MARF1: variants seen among roughly 807,000 people sequenced by gnomAD.
MARF1 encodes the protein meiosis regulator and mRNA stability factor 1.
MARF1 carries 24 observed loss-of-function variants against 168.2 expected under a neutral mutation model. The observed-to-expected ratio is 0.14, with a 90% CI of 0.10 to 0.20. The LOEUF (loss-of-function observed/expected upper bound fraction) is 0.20. Ranked by LOEUF, MARF1 falls within the 10% of genes least tolerant of loss-of-function variation. The pLI is 1.00. For synonymous variants in MARF1, 868 were observed against 822.4 expected (o/e 1.06, Z -0.95); for missense variants, 1,744 against 2,143.6 (o/e 0.81, Z 3.68).
chr16:15,610,952 C>T (rs770060380), intron 19 of MARF1, 23 bp downstream of exon 19: 1 of 1,609,142 alleles, frequency 6.2e-7, no homozygotes, highest in Non-Finnish European at 8.5e-7. Context: ...CAATATCCTT[C>T]CAGCAAATGT....
chr16:15,631,239 C>A, intron 6 of MARF1, 142 bp downstream of exon 6: 1 of 481,198 alleles, frequency 2.1e-6, no homozygotes, highest in East Asian at 3.3e-5. Context: ...TTTTTCTAAA[C>A]AGTTCTCAAC....
At chr16:15,630,929 G>C (rs1326268372) in intron 6 of MARF1, among the ~76,000 whole-genome samples, 1 of 152,012 alleles carries the variant, frequency 6.6e-6, no homozygotes, top group Non-Finnish European at 1.5e-5. Context: ...TCAGGAGTTT[G>C]AGACCAGCCT....
intron 16 of MARF1, 117 bp downstream of exon 16, chr16:15,615,713 A>C: frequency 1.5e-6 from 1 of 651,110 alleles, no homozygotes; most frequent in Non-Finnish European, 2.4e-6. Context: ...CAAAGGACAC[A>C]TCCATGGTGT....
intron 23 of MARF1, chr16:15,600,911 A>C (rs1317750850): frequency 1.4e-6 from 1 of 703,778 alleles, no homozygotes. Flanking sequence ...AGAGTAGTTC[A>C]AAAATCATGA....
At position 15,608,276 on chromosome 16, in the gene MARF1, A is replaced by AC. The variant is rs2033195801; in HGVS notation, c.4182+14_4182+15insG. ...CCCATGAGGGAAAAAAAAAAAAAAAAAAAAAAACATTTACCTTCACGACAT... is the reference window on the plus strand; with the variant it reads ...CCCATGAGGGAAAAAAAAAAAAAAAACAAAAAAACATTTACCTTCACGACAT... On this transcript the variant is annotated intron_variant, in intron 21 of 26. Coordinates refer to ENST00000396368, the MANE Select transcript of MARF1 (RefSeq NM_014647.4). The AC allele has an allele frequency of 7.4e-6, 11 of 1,480,100 alleles. No homozygotes were observed. The East Asian group carries it at 1.6e-4, about 21-fold the overall frequency. The allele number at this position is 1,480,100 out of a possible 1,614,324, so 91.7% of individuals were successfully genotyped here.
At chr16:15,641,998 T>C (rs1202292711) in intron 1 of MARF1, among the ~76,000 whole-genome samples, 1 of 152,186 alleles carries the variant, frequency 6.6e-6, no homozygotes, top group Non-Finnish European at 1.5e-5. Flanking sequence ...CTGTCTGCAT[T>C]TTGGTCTCCA....
chr16:15,624,902 C>T lies in MARF1; in HGVS notation c.2137G>A (p.Val713Ile). 12 of 1,614,146 alleles carry T rather than the reference C, an allele frequency of 7.4e-6. No homozygotes were observed. The highest frequency in any genetic ancestry group is 1.0e-5 in the Non-Finnish European group (12 of 1,180,024). The change falls in exon 10 of 27, where the codon GTT becomes ATT. Residue 713 changes from valine to isoleucine, a missense_variant. By Grantham distance (29) the Val-to-Ile change is conservative. Coordinates refer to ENST00000396368, the MANE Select transcript of MARF1 (RefSeq NM_014647.4). The stretch of plus-strand genomic sequence containing the variant: ...TTTTTCTCTACAGGAGAACTGGTAA[C>T]ACTTCGGGCACTGAGGTTCTCCTTT... ...QKKENLSARS[V>I]TSSPVEKKDK...
intron 10 of MARF1, among the ~76,000 whole-genome samples, chr16:15,624,412 A>G (rs773512489): frequency 7.2e-5 from 11 of 152,196 alleles, no homozygotes; most frequent in Non-Finnish European, 1.5e-4. Flanking sequence ...ATAGCTTCCT[A>G]TACAGAACCA....
At position 15,600,672 on chromosome 16, in the gene MARF1, C is replaced by T; in HGVS notation, c.4656G>A (p.Lys1552=). 1 of 1,613,844 alleles carries T rather than the reference C, an allele frequency of 6.2e-7. No homozygotes were observed. The highest frequency in any genetic ancestry group is 1.1e-5 in the South Asian group (1 of 91,086). The part of the protein sequence containing the change: ...QVVWIKGHGH[K]RIVVLKNDMK... ...TGTCATTTTTTAACACTACAATTCTCTTATGACCATGTCCTTTTATCCAGA... is the reference window on the plus strand; with the variant it reads ...TGTCATTTTTTAACACTACAATTCTTTTATGACCATGTCCTTTTATCCAGA... Residue 1552 remains lysine (K), a synonymous_variant, in exon 24 of 27, where the codon AAG becomes AAA. Transcript: ENST00000396368.
intron 2 of MARF1, among the ~76,000 whole-genome samples, chr16:15,638,033 G>A (rs1234608867): frequency 6.6e-6 from 1 of 151,888 alleles, no homozygotes; most frequent in African/African-American, 2.4e-5. Context: ...AGGCATAATG[G>A]CGAGTGCCTG....
At chr16:15,604,850 G>A (rs980724878) in intron 21 of MARF1, among the ~76,000 whole-genome samples, 7 of 152,076 alleles carry the variant, frequency 4.6e-5, no homozygotes, top group East Asian at 1.9e-4. Context: ...GCCCATATGC[G>A]TCCCCAGGGC....
intron 5 of MARF1, among the ~76,000 whole-genome samples, chr16:15,631,753 C>G (rs1461153088): frequency 6.6e-6 from 1 of 152,002 alleles, no homozygotes; most frequent in Non-Finnish European, 1.5e-5. Context: ...CTTCCCCCAA[C>G]CCCGACAGAC....
intron 1 of MARF1, among the ~76,000 whole-genome samples, chr16:15,640,394 A>G (rs142558840): frequency 7.8e-4 from 118 of 152,208 alleles, no homozygotes; most frequent in Middle Eastern, 3.4e-3. Context: ...GAGCAACAAC[A>G]CTCTTACAGG....
At chr16:15,633,368 G>C (rs2035375440) in intron 5 of MARF1, among the ~76,000 whole-genome samples, 3 of 152,036 alleles carry the variant, frequency 2.0e-5, no homozygotes, top group Non-Finnish European at 2.9e-5. Context: ...GGAACATAGG[G>C]AGACCTCGTC....
At chr16:15,619,558 G>A (rs1313792414) in intron 13 of MARF1, among the ~76,000 whole-genome samples, 1 of 152,106 alleles carries the variant, frequency 6.6e-6, no homozygotes, top group Non-Finnish European at 1.5e-5. Context: ...TTACCTGTGG[G>A]ATAATGGCCA....
rs762148874 is a variant in MARF1, at chr16:15,598,883, T to A, written c.4955A>T (p.Gln1652Leu). Reference sequence around the variant, plus strand: ...AGGCTCTTGAGGGCGCTCCTCAAACTGAATGAGATCAGCAGATTGGAGGAT... The same window carrying A: ...AGGCTCTTGAGGGCGCTCCTCAAACAGAATGAGATCAGCAGATTGGAGGAT... Reference protein sequence around the residue: ...PVILQSADLIQFEERPQEPSE... With the variant: ...PVILQSADLILFEERPQEPSE... The change falls in exon 26 of 27, where the codon CAG becomes CTG. Residue 1652 changes from glutamine (Q) to leucine (L), a missense_variant. This residue lies in a region of MARF1 where 313 missense variants were observed against 337.4 expected (regional missense o/e 0.93). Coordinates refer to ENST00000396368, the MANE Select transcript of MARF1 (RefSeq NM_014647.4). 6.2e-7 allele frequency: 1 copy of A among 1,613,922 alleles called. No individual in the cohort carries two copies.
chr16:15,601,201 C>T (rs1277247550), intron 23 of MARF1: 7 of 404,216 alleles, frequency 1.7e-5, no homozygotes, highest in Admixed American at 8.7e-5. Context: ...TACATGTGCA[C>T]ACCGTCGCCA....
chr16:15,609,770 C>A (rs551287950), intron 19 of MARF1, 45 bp from the exon 20 acceptor site: 2 of 1,534,608 alleles, frequency 1.3e-6, no homozygotes, highest in Non-Finnish European at 1.8e-6. Context: ...TTTTTTCTAC[C>A]CATTTGTGTT....
At chr16:15,630,893 G>A (rs942269352) in intron 6 of MARF1, among the ~76,000 whole-genome samples, 3 of 151,992 alleles carry the variant, frequency 2.0e-5, no homozygotes, top group African/African-American at 7.3e-5. Flanking sequence ...CACTTTGGGA[G>A]GCCGAGGAGG....
Sources: allele counts gnomAD v4.1 joint callset (sites outside exome capture counted in the v4.1 genomes callset), GRCh38; gene constraint gnomAD v4.1.1; regional missense constraint gnomAD v4.1.1; transcripts MANE v1.5; gene names NCBI Gene and HGNC (gene_info 2026-07-23, HGNC 2026-07-21).